The following ALDOB variants were observed in gnomAD, a reference collection of about 807,000 sequenced individuals.
ALDOB encodes the protein fructose-bisphosphate aldolase B.
In ALDOB, 39 loss-of-function variants were observed where a neutral mutation model predicts 41.0. That is an observed-to-expected ratio of 0.95 (90% confidence interval 0.74 to 1.24). ALDOB has a LOEUF of 1.24. Ranked by LOEUF, ALDOB falls within the 50% of genes most tolerant of loss-of-function variation. The probability of loss-of-function intolerance (pLI) is 0.00; values close to 1 mark genes in which losing one functional copy is unlikely to be tolerated. For synonymous variants in ALDOB, 175 were observed against 168.8 expected (o/e 1.04, Z -0.28); for missense variants, 530 against 457.3 (o/e 1.16, Z -1.45).
chr9:101,434,468 C>A (rs1287065083), intron 1 of ALDOB, among the ~76,000 whole-genome samples: 1 of 152,164 alleles, frequency 6.6e-6, no homozygotes, highest in African/African-American at 2.4e-5. Context: ...AAATAGAAGG[C>A]AGCAGAAAGT....
At chr9:101,430,671 T>C (rs948379707) in intron 2 of ALDOB, 105 bp downstream of exon 2, 2 of 882,134 alleles carry the variant, frequency 2.3e-6, no homozygotes, top group Middle Eastern at 2.2e-4. Context: ...CACTCCCGTG[T>C]ACATAAACCT....
chr9:101,429,674 G>T, intron 3 of ALDOB, 81 bp downstream of exon 3: 1 of 1,254,772 alleles, frequency 8.0e-7, no homozygotes, highest in Non-Finnish European at 1.2e-6. Context: ...AGAATGTTCA[G>T]AGTGTTGGCC....
At chr9:101,427,115 G>A (rs1403150969) in intron 5 of ALDOB, among the ~76,000 whole-genome samples, 3 of 152,146 alleles carry the variant, frequency 2.0e-5, no homozygotes, top group East Asian at 1.9e-4. Context: ...ATTGGAACTC[G>A]GTCAGAGCTG....
At chr9:101,425,175 G>A (rs2118343935) in intron 7 of ALDOB, 133 bp from the exon 8 acceptor site, 1 of 1,097,134 alleles carries the variant, frequency 9.1e-7, no homozygotes. Context: ...AGCAAACTGA[G>A]AAATCAGTTT....
Position 101,430,877 on chromosome 9 carries a change from C to T in ALDOB, c.11G>A (p.Arg4Gln), listed in dbSNP as rs767812270. The T allele has an allele frequency of 1.7e-5, 28 of 1,613,816 alleles. 1 individual carries two copies. The South Asian group carries it at 2.3e-4, about 13-fold the overall frequency. MAH[R>Q]FPALTQEQKK... is the part of the protein sequence containing the mutation. ...CTGCTCCTGGGTGAGGGCTGGAAAT[C>T]GGTGGGCCATGGTGACAGGTCTGGA... The change falls in exon 2 of 9, where the codon CGA becomes CAA. Residue 4 changes from arginine to glutamine, a missense_variant. Physicochemically the swap from Arg to Gln is conservative, Grantham distance 43. Coordinates refer to ENST00000647789, the MANE Select transcript of ALDOB (RefSeq NM_000035.4).
At chr9:101,422,066 G>C (rs1375547441) in intron 8 of ALDOB, among the ~76,000 whole-genome samples, 162 bp from the exon 9 acceptor site, 1 of 152,092 alleles carries the variant, frequency 6.6e-6, no homozygotes. Flanking sequence ...CTTCTATAAA[G>C]TATCTCCCCT....
intron 5 of ALDOB, 34 bp downstream of exon 5, chr9:101,427,448 T>TA: frequency 6.2e-7 from 1 of 1,613,556 alleles, no homozygotes; most frequent in Non-Finnish European, 8.5e-7. Flanking sequence ...AACTCTAGCC[T>TA]ACTCTTTTTC....
Position 101,430,758 on chromosome 9 carries a change from A to C in ALDOB, c.112+18T>G, listed in dbSNP as rs756434109. The C allele has an allele frequency of 6.4e-7, 1 of 1,554,924 alleles. No individual in the cohort carries two copies. The highest frequency in any genetic ancestry group is 8.9e-7 in the Non-Finnish European group (1 of 1,126,232). Reference sequence around the variant, plus strand: ...AAATAATATGTTGTTATATGATGAGACTGCTTTTTACACTCACCTACAGAT... The same window carrying C: ...AAATAATATGTTGTTATATGATGAGCCTGCTTTTTACACTCACCTACAGAT... On this transcript the variant is annotated intron_variant, in intron 2 of 8. Coordinates refer to ENST00000647789, the MANE Select transcript of ALDOB (RefSeq NM_000035.4).
At chr9:101,424,046 T>C (rs1204974435) in intron 8 of ALDOB, among the ~76,000 whole-genome samples, 3 of 152,178 alleles carry the variant, frequency 2.0e-5, no homozygotes, top group African/African-American at 7.2e-5. Flanking sequence ...ACTGGTATGC[T>C]CCTAAATGCC....
At chr9:101,429,147 T>C (rs527932290) in intron 3 of ALDOB, among the ~76,000 whole-genome samples, 1 of 151,986 alleles carries the variant, frequency 6.6e-6, no homozygotes, top group East Asian at 1.9e-4. Context: ...TTCTTTTTTT[T>C]TTTTTTTAGA....
At position 101,427,513 on chromosome 9, in the gene ALDOB, G is replaced by A. The variant is rs757575992; in HGVS notation, c.509C>T (p.Ala170Val). Residue 170 changes from alanine (A) to valine (V), a missense_variant, in exon 5 of 9, where the codon GCC becomes GTC. Transcript: ENST00000647789. ...ACAGATGCTGGCGTAGCGAGCCAGGGCGTTGGCGTTTTCCTGGATAGCGAG... is the reference window on the plus strand; with the variant it reads ...ACAGATGCTGGCGTAGCGAGCCAGGACGTTGGCGTTTTCCTGGATAGCGAG... The part of the protein sequence containing the change: ...SSLAIQENAN[A>V]LARYASICQQ... 3.1e-6 allele frequency: 5 copies of A among 1,614,184 alleles called. No individual in the cohort carries two copies. Among genetic ancestry groups the A allele is most frequent in the East Asian group, 2.2e-5 (1 of 44,874 alleles).
rs1831190387 is a variant in ALDOB at position 101,429,830 on chromosome 9, G to A, written c.249C>T (p.Thr83=). The change falls in exon 3 of 9, where the codon ACC becomes ACT. Residue 83 remains threonine, a synonymous_variant. Transcript: ENST00000647789. Reference sequence around the variant, plus strand: ...TTCCCTGGCTGTCCTTCTGGTAGAGGGTCTCGTGGAAAAGGATCACACCCC... The same window carrying A: ...TTCCCTGGCTGTCCTTCTGGTAGAGAGTCTCGTGGAAAAGGATCACACCCC... ...SIGGVILFHE[T]LYQKDSQGKL... is the part of the protein sequence containing the mutation. 1 of 1,614,104 alleles carries A rather than the reference G, an allele frequency of 6.2e-7. No individual in the cohort carries two copies. Among genetic ancestry groups the A allele is most frequent in the African/African-American group, 1.3e-5 (1 of 75,014 alleles).
intron 5 of ALDOB, 101 bp downstream of exon 5, chr9:101,427,381 G>A (rs752047064): frequency 2.8e-6 from 4 of 1,437,306 alleles, no homozygotes; most frequent in Non-Finnish European, 3.8e-6. Context: ...ATACTGGTGA[G>A]GGAAAAGGAG....
At chr9:101,430,653 T>C (rs1221797574) in intron 2 of ALDOB, 123 bp downstream of exon 2, 1 of 775,530 alleles carries the variant, frequency 1.3e-6, no homozygotes, top group African/African-American at 1.7e-5. Flanking sequence ...TACTGAGTCT[T>C]CTGCTCCCAC....
At chr9:101,428,645 C>G in intron 3 of ALDOB, 122 bp from the exon 4 acceptor site, 1 of 862,232 alleles carries the variant, frequency 1.2e-6, no homozygotes, top group Non-Finnish European at 2.0e-6. Context: ...TGTATTAGTG[C>G]GAGGGACCCA....
At chr9:101,424,613 T>C (rs972732838) in intron 8 of ALDOB, among the ~76,000 whole-genome samples, 13 of 152,180 alleles carry the variant, frequency 8.5e-5, no homozygotes, top group African/African-American at 2.4e-5. Context: ...AGTGTTTCTG[T>C]TGAAATTGTC....
intron 5 of ALDOB, 66 bp from the exon 6 acceptor site, chr9:101,426,704 G>T: frequency 1.0e-6 from 1 of 979,290 alleles, no homozygotes; most frequent in Non-Finnish European, 1.7e-6. Flanking sequence ...CTTAGGAGGA[G>T]ATTCAACAGT....
At chr9:101,429,068 G>A (rs1457235230) in intron 3 of ALDOB, among the ~76,000 whole-genome samples, 1 of 151,734 alleles carries the variant, frequency 6.6e-6, no homozygotes, top group African/African-American at 2.4e-5. Context: ...AATAGTAAAT[G>A]CTTCAATAAT....
chr9:101,428,650 G>A, intron 3 of ALDOB, 127 bp from the exon 4 acceptor site: 2 of 838,058 alleles, frequency 2.4e-6, no homozygotes, highest in South Asian at 1.4e-5. Context: ...TAGTGCGAGG[G>A]ACCCAGTTCA....
Sources: allele counts gnomAD v4.1 joint callset (sites outside exome capture counted in the v4.1 genomes callset), GRCh38; gene constraint gnomAD v4.1.1; transcripts MANE v1.5; gene names NCBI Gene and HGNC (gene_info 2026-07-23, HGNC 2026-07-21).